The following LMOD3 variants were observed in gnomAD, a reference collection of about 807,000 sequenced individuals.
The protein encoded by LMOD3 is leiomodin 3.
Under a neutral mutation model 41.8 loss-of-function variants are expected in LMOD3, and 31 were observed. That is an observed-to-expected ratio of 0.74 (90% CI 0.56 to 1.00). LMOD3 has a LOEUF of 1.00. Ranked by LOEUF, LMOD3 falls within the 50% of genes least tolerant of loss-of-function variation. LMOD3 has a pLI of 0.00. For synonymous variants in LMOD3, 292 were observed against 241.9 expected (o/e 1.21, Z -1.92); for missense variants, 755 against 679.5 (o/e 1.11, Z -1.23).
intron 2 of LMOD3, among the ~76,000 whole-genome samples, chr3:69,114,045 G>C (rs2107522932): frequency 6.6e-6 from 1 of 152,284 alleles, no homozygotes; most frequent in Middle Eastern, 3.4e-3. Flanking sequence ...AAATTCTACA[G>C]AAGCCAGATA....
intron 2 of LMOD3, among the ~76,000 whole-genome samples, chr3:69,115,483 A>AAAACACAC: frequency 6.9e-6 from 1 of 144,932 alleles, no homozygotes; most frequent in East Asian, 2.0e-4. Context: ...TCCTGCCTCA[A>AAAACACAC]ACACACACAC....
At chr3:69,109,850 A>G (rs1183773384) in intron 2 of LMOD3, among the ~76,000 whole-genome samples, 1 of 151,914 alleles carries the variant, frequency 6.6e-6, no homozygotes, top group Non-Finnish European at 1.5e-5. Context: ...ACAGTATCTC[A>G]TTACATCCTA....
In LMOD3 at chr3:69,119,088, C is replaced by T. The variant is rs747836575; in HGVS notation, c.1267G>A (p.Gly423Arg). 5.6e-6 allele frequency: 9 copies of T among 1,613,696 alleles called. No individual in the cohort carries two copies. Among genetic ancestry groups the T allele is most frequent in the Non-Finnish European group, 7.6e-6 (9 of 1,179,886 alleles). The stretch of plus-strand genomic sequence containing the variant: ...CACATCCCAGGGGGCAGCCCCAACC[C>T]ATTCTCTAACATGGCTATCAGCTTC... ...QKKLIAMLENGLGLPPGMWEL... is the reference protein window; with the variant it reads ...QKKLIAMLENRLGLPPGMWEL... Residue 423 changes from glycine (G) to arginine (R), a missense_variant, in exon 2 of 3, where the codon GGG becomes AGG. By Grantham distance (125) the Gly-to-Arg change is moderately radical (BLOSUM62 -2). Transcript: ENST00000420581.
intron 2 of LMOD3, among the ~76,000 whole-genome samples, chr3:69,109,373 C>T (rs371150694): frequency 1.2e-4 from 19 of 152,092 alleles, no homozygotes; most frequent in African/African-American, 2.2e-4. Context: ...AATAAGAGGG[C>T]GGGTGCCTAA....
Position 69,119,910 on chromosome 3 carries a change from C to T in LMOD3, c.445G>A (p.Glu149Lys). 6.5e-7 allele frequency: 1 copy of T among 1,545,422 alleles called. No homozygotes were observed. The highest frequency in any genetic ancestry group is 8.8e-7 in the Non-Finnish European group (1 of 1,139,140). ...TCGTCATCATCATCATCTTCTTCTT[C>T]TTCATCTTCTTCATCTGTTTCTTGG... ...NIQETDEEDE[E>K]EEDDDDDDEG... is the part of the protein sequence containing the mutation. Residue 149 changes from glutamate to lysine, a missense_variant, in exon 2 of 3, where the codon GAA becomes AAA. Glu to Lys is a moderately conservative substitution (Grantham distance 56). Transcript: ENST00000420581.
At position 69,118,904 on chromosome 3, in the gene LMOD3, G is replaced by A. The variant is rs774772637; in HGVS notation, c.1451C>T (p.Ser484Phe). ...TCTCTTCAGCTTCACCACCCGGAAG[G>A]AGTCAGGGTCTGTCCTGTACTTCGG... The part of the protein sequence containing the change: ...QAPKYRTDPD[S>F]FRVVKLKRIQ... The change falls in exon 2 of 3, where the codon TCC (serine) becomes TTC (phenylalanine). Residue 484 changes from serine (S) to phenylalanine (F), a missense_variant. By Grantham distance (155) the Ser-to-Phe change is radical. Coordinates refer to ENST00000420581, the MANE Select transcript of LMOD3 (RefSeq NM_198271.5). The A allele has an allele frequency of 4.3e-6, 7 of 1,611,742 alleles. No homozygotes were observed. The Admixed American group carries it at 1.2e-4, about 27-fold the overall frequency.
At chr3:69,121,710 C>T (rs1048901023) in intron 1 of LMOD3, among the ~76,000 whole-genome samples, 1 of 152,222 alleles carries the variant, frequency 6.6e-6, no homozygotes, top group East Asian at 1.9e-4. Context: ...GCCAGAGAGA[C>T]AGAGGCTACA....
rs1414903287 is a variant in LMOD3 at position 69,108,738 on chromosome 3, CTGTTA to C, written c.*352_*356del. ...AATGGGAATACAATAGTTAACACTT[CTGTTA>C]TATTTATTATTTACCAGAAGAAAAC... On this transcript the variant is annotated 3_prime_UTR_variant, in exon 3 of 3. Coordinates refer to ENST00000420581, the MANE Select transcript of LMOD3 (RefSeq NM_198271.5). 8 of 201,250 alleles carry C rather than the reference CTGTTA, an allele frequency of 4.0e-5. No homozygotes were observed. Among genetic ancestry groups the C allele is most frequent in the South Asian group, 3.9e-4 (3 of 7,676 alleles). 12.5% of individuals were successfully genotyped at this position (201,250 alleles called of 1,614,324 possible).
Position 69,118,982 on chromosome 3 carries a change from TG to T in LMOD3, c.1372del (p.Gln458LysfsTer11), listed in dbSNP as rs2092391319. ...ACTGCGTTGACTAAAGGGGACATTT[TG>T]GGGGTTGGGAGGCCGAGGTGGCGGT... ...QPPPPRPPNP[Q>X]NVPFSQRSEM... is the part of the protein sequence containing the mutation. On this transcript the variant is annotated frameshift_variant, in exon 2 of 3. Transcript: ENST00000420581. LOFTEE classifies it high-confidence loss of function. The T allele has an allele frequency of 6.2e-7, 1 of 1,613,382 alleles. No individual in the cohort carries two copies. Among genetic ancestry groups the T allele is most frequent in the Non-Finnish European group, 8.5e-7 (1 of 1,179,782 alleles).
Position 69,119,835 on chromosome 3 carries a change from C to G in LMOD3, c.520G>C (p.Glu174Gln). ...EESEETNREE[E>Q]GKAKEQIRNC... ...CTAATTTGTTCCTTTGCTTTGCCTT[C>G]CTCTTCTCTGTTCGTTTCTTCACTC... Residue 174 changes from glutamate (E) to glutamine (Q), a missense_variant, in exon 2 of 3, where the codon GAA (glutamate) becomes CAA (glutamine). Physicochemically the swap from Glu to Gln is conservative, Grantham distance 29. Transcript: ENST00000420581. 1 of 1,573,066 alleles carries G rather than the reference C, an allele frequency of 6.4e-7. No individual in the cohort carries two copies. The highest frequency in any genetic ancestry group is 1.3e-5 in the African/African-American group (1 of 74,218).
rs776377973 is a variant in LMOD3 at position 69,119,717 on chromosome 3, A to T, written c.638T>A (p.Ile213Lys). Residue 213 changes from isoleucine (I) to lysine (K), a missense_variant, in exon 2 of 3, where the codon ATA (isoleucine) becomes AAA (lysine). Coordinates refer to ENST00000420581, the MANE Select transcript of LMOD3 (RefSeq NM_198271.5). Reference sequence around the variant, plus strand: ...TAACTTCTTAGGATCTAATTTCGATATTTTTTTCTCACTTTGTTCTTGGGC... The same window carrying T: ...TAACTTCTTAGGATCTAATTTCGATTTTTTTTTCTCACTTTGTTCTTGGGC... ...PEAQEQSEKK[I>K]SKLDPKKLAL... The T allele has an allele frequency of 1.9e-6, 3 of 1,613,624 alleles. No homozygotes were observed. The highest frequency in any genetic ancestry group is 1.6e-4 in the Middle Eastern group (1 of 6,062).
intron 2 of LMOD3, 70 bp from the exon 3 acceptor site, chr3:69,109,191 T>G: frequency 7.4e-7 from 1 of 1,358,880 alleles, no homozygotes; most frequent in Non-Finnish European, 1.0e-6. Flanking sequence ...CAGCAAAATT[T>G]ACAAAATTTA....
rs774967350 is a variant in LMOD3, at chr3:69,118,900, G to A, written c.1455C>T (p.Phe485=). The part of the protein sequence containing the change: ...APKYRTDPDS[F]RVVKLKRIQR... Reference sequence around the variant, plus strand: ...GGATTCTCTTCAGCTTCACCACCCGGAAGGAGTCAGGGTCTGTCCTGTACT... The same window carrying A: ...GGATTCTCTTCAGCTTCACCACCCGAAAGGAGTCAGGGTCTGTCCTGTACT... The change falls in exon 2 of 3, where the codon TTC becomes TTT. Residue 485 remains phenylalanine (F), a synonymous_variant. Transcript: ENST00000420581. 3.7e-6 allele frequency: 6 copies of A among 1,611,752 alleles called. No homozygotes were observed. In the Admixed American group the frequency reaches 8.4e-5, roughly 23 times the overall value.
chr3:69,121,900 T>A (rs2092409251), intron 1 of LMOD3, among the ~76,000 whole-genome samples, 193 bp downstream of exon 1: 2 of 152,218 alleles, frequency 1.3e-5, no homozygotes, highest in Admixed American at 1.3e-4. Flanking sequence ...TTACCCAATT[T>A]TCCCCTTGTA....
chr3:69,119,958 CTCTTT>C lies in LMOD3; in HGVS notation c.392_396del (p.Lys131ArgfsTer13), dbSNP rs2092399579. The C allele has an allele frequency of 6.3e-7, 1 of 1,580,358 alleles. No homozygotes were observed. Among genetic ancestry groups the C allele is most frequent in the African/African-American group, 1.3e-5 (1 of 74,204 alleles). ...TGGATATTGCTGCTGCCCTTTGATT[CTCTTT>C]TATTTGCAACTATTTCATTATTGAG... On this transcript the variant is annotated frameshift_variant, in exon 2 of 3. Coordinates refer to ENST00000420581, the MANE Select transcript of LMOD3 (RefSeq NM_198271.5). LOFTEE classifies it high-confidence loss of function.
In LMOD3 at chr3:69,118,930, G is replaced by C. The variant is rs757277782; in HGVS notation, c.1425C>G (p.Ala475=). 1.9e-6 allele frequency: 3 copies of C among 1,612,114 alleles called. No homozygotes were observed. The highest frequency in any genetic ancestry group is 2.5e-6 in the Non-Finnish European group (3 of 1,179,610). ...RSEMMKKPSQ[A]PKYRTDPDSF... is the part of the protein sequence containing the mutation. ...AGTCAGGGTCTGTCCTGTACTTCGGGGCCTGCGATGGCTTTTTCATCATTT... is the reference window on the plus strand; with the variant it reads ...AGTCAGGGTCTGTCCTGTACTTCGGCGCCTGCGATGGCTTTTTCATCATTT... Residue 475 remains alanine (A), a synonymous_variant, in exon 2 of 3, where the codon GCC becomes GCG. Coordinates refer to ENST00000420581, the MANE Select transcript of LMOD3 (RefSeq NM_198271.5).
intron 2 of LMOD3, among the ~76,000 whole-genome samples, chr3:69,112,815 G>C (rs116942431): frequency 0.027 from 4,107 of 152,312 alleles, 76 homozygotes; most frequent in East Asian, 0.041. Context: ...GACTCTGTCA[G>C]TGGACTCAGT....
chr3:69,115,519 A>ACAC (rs764920392), intron 2 of LMOD3, among the ~76,000 whole-genome samples: 69 of 143,446 alleles, frequency 4.8e-4, no homozygotes, highest in East Asian at 3.7e-3. Flanking sequence ...CACACACACA[A>ACAC]AACTTTTCTA....
chr3:69,106,384 T>C lies in LMOD3; in HGVS notation c.*2711A>G, dbSNP rs960253794. 6.6e-6 allele frequency among the ~76,000 whole-genome samples: 1 copy of C among 152,124 alleles called. No homozygotes were observed. The highest frequency in any genetic ancestry group is 6.5e-5 in the Admixed American group (1 of 15,272). On this transcript the variant is annotated 3_prime_UTR_variant, in exon 3 of 3. Transcript: ENST00000420581. ...AAAAAAAGATACCTGTAATTACTAA[T>C]GGCCAGTAGTCAATTCTGGAAGGGT...
Sources: allele counts gnomAD v4.1 joint callset (sites outside exome capture counted in the v4.1 genomes callset), GRCh38; gene constraint gnomAD v4.1.1; transcripts MANE v1.5; gene names NCBI Gene and HGNC (gene_info 2026-07-23, HGNC 2026-07-21).